The following GTPBP8 variants were observed in gnomAD, a reference collection of about 807,000 sequenced individuals.
GTPBP8 encodes the protein GTP-binding protein 8.
A neutral mutation model predicts 27.3 loss-of-function variants in GTPBP8; 21 were observed. That is an observed-to-expected ratio of 0.77 (90% CI 0.55 to 1.11). The LOEUF (loss-of-function observed/expected upper bound fraction) is 1.11, where lower values mean the gene tolerates loss of function less well. Ranked by LOEUF, GTPBP8 falls within the 50% of genes least tolerant of loss-of-function variation. The pLI is 0.00. For missense variants in GTPBP8, 380 were observed against 350.8 expected (o/e 1.08, Z -0.67); for synonymous variants, 147 against 135.3 (o/e 1.09, Z -0.60).
chr3:112,991,060 G>C lies in GTPBP8; in HGVS notation c.61G>C (p.Glu21Gln), dbSNP rs1326569913. ...GRLFEMPAVLERLSRYNSTSQ... is the reference protein window; with the variant it reads ...GRLFEMPAVLQRLSRYNSTSQ... The stretch of plus-strand genomic sequence containing the variant: ...ACTCTTTGAAATGCCTGCGGTGCTA[G>C]AGCGACTGAGCCGCTATAATAGCAC... The change falls in exon 1 of 6, where the codon GAG becomes CAG. Residue 21 changes from glutamate (E) to glutamine (Q), a missense_variant. By Grantham distance (29) the Glu-to-Gln change is conservative. Coordinates refer to ENST00000383678, the MANE Select transcript of GTPBP8 (RefSeq NM_014170.4). 5 of 1,613,652 alleles carry C rather than the reference G, an allele frequency of 3.1e-6. No homozygotes were observed. Among genetic ancestry groups the C allele is most frequent in the African/African-American group, 1.3e-5 (1 of 75,068 alleles).
chr3:112,996,993 T>TA lies in GTPBP8; in HGVS notation c.666+4dup. The stretch of plus-strand genomic sequence containing the variant: ...GAAGAATTTGCATTACCTTATGTGG[T>TA]AAGTACTTCCTTTGAATCATGGTTG... On this transcript the variant is annotated splice_region_variant and intron_variant, in intron 4 of 5. Transcript: ENST00000383678. The TA allele has an allele frequency of 2.3e-6, 3 of 1,323,670 alleles. No homozygotes were observed. Among genetic ancestry groups the TA allele is most frequent in the Non-Finnish European group, 3.3e-6 (3 of 917,448 alleles). The allele number at this position is 1,323,670 out of a possible 1,614,324, so 82.0% of individuals were successfully genotyped here.
Position 112,991,221 on chromosome 3 carries a change from C to A in GTPBP8, c.222C>A (p.Ser74Arg). 6.2e-7 allele frequency: 1 copy of A among 1,614,138 alleles called. No individual in the cohort carries two copies. Among genetic ancestry groups the A allele is most frequent in the Non-Finnish European group, 8.5e-7 (1 of 1,180,022 alleles). ...QDLHLRIFDPSPEDIARADNI... is the reference protein window; with the variant it reads ...QDLHLRIFDPRPEDIARADNI... The stretch of plus-strand genomic sequence containing the variant: ...TTCACCTGCGTATCTTTGACCCAAG[C>A]CCGGAGGACATAGCCAGGGCGGACA... The change falls in exon 1 of 6, where the codon AGC (serine) becomes AGA (arginine). Residue 74 changes from serine (S) to arginine (R), a missense_variant. Transcript: ENST00000383678.
rs757182425 is a variant in GTPBP8, at chr3:112,993,117, A to G, written c.428A>G (p.Lys143Arg). The G allele has an allele frequency of 2.9e-5, 46 of 1,563,012 alleles. No homozygotes were observed. In the South Asian group the frequency reaches 3.6e-4, roughly 12 times the overall value. Residue 143 changes from lysine (K) to arginine (R), a missense_variant, in exon 2 of 6, where the codon AAA (lysine) becomes AGA (arginine). Transcript: ENST00000383678. ...LAPEVEVRVS[K>R]KPGHTKKMNF... ...CCTGAGGTTGAAGTCAGAGTCTCCA[A>G]AAAACCAGTATGTTGAAGTTTTTAA...
chr3:112,995,431 G>A (rs1933765928), intron 3 of GTPBP8, among the ~76,000 whole-genome samples, 166 bp downstream of exon 3: 1 of 151,898 alleles, frequency 6.6e-6, no homozygotes, highest in Non-Finnish European at 1.5e-5. Flanking sequence ...TAGGACCAAG[G>A]TATATACTGC....
intron 2 of GTPBP8, among the ~76,000 whole-genome samples, chr3:112,994,407 G>A (rs957907530): frequency 1.0e-3 from 149 of 145,618 alleles, no homozygotes; most frequent in African/African-American, 3.7e-3. Flanking sequence ...TGGACAACAA[G>A]AGTGAAACTC....
intron 1 of GTPBP8, 84 bp downstream of exon 1, chr3:112,991,419 T>C (rs1933676831): frequency 7.8e-7 from 1 of 1,276,814 alleles, no homozygotes; most frequent in Non-Finnish European, 1.1e-6. Flanking sequence ...GCGGGTGATT[T>C]TGCGGTTGTA....
chr3:112,992,890 G>A, intron 1 of GTPBP8, 136 bp from the exon 2 acceptor site: 1 of 540,672 alleles, frequency 1.8e-6, no homozygotes, highest in Non-Finnish European at 3.3e-6. Context: ...AATATATGCT[G>A]AATGCTTAAA....
Position 112,993,020 on chromosome 3 carries a change from T to C in GTPBP8, c.337-6T>C. On this transcript the variant is annotated splice_region_variant and splice_polypyrimidine_tract_variant and intron_variant, in intron 1 of 5. Coordinates refer to ENST00000383678, the MANE Select transcript of GTPBP8 (RefSeq NM_014170.4). ...TACGTACTTATCTTGTTTTTTCTTG[T>C]ATAAGGTGTGTTTTATAGGCAGAAG... 6.5e-7 allele frequency: 1 copy of C among 1,545,008 alleles called. No homozygotes were observed.
Position 112,993,220 on chromosome 3 carries a change from T to C in GTPBP8, c.435+96T>C, listed in dbSNP as rs1032968068. On this transcript the variant is annotated intron_variant, in intron 2 of 5. Transcript: ENST00000383678. ...GGTATAAGAAATCATAATTACTAAG[T>C]TCCTAGAGAAGTGATTTCTTTCAAA... 6 of 676,676 alleles carry C rather than the reference T, an allele frequency of 8.9e-6. No homozygotes were observed. The Admixed American group carries it at 1.6e-4, about 18-fold the overall frequency. The allele number at this position is 676,676 out of a possible 1,614,324, so 41.9% of individuals were successfully genotyped here. A position where few individuals can be genotyped will look rare whatever the true frequency, so the allele number is the denominator to read the frequency against.
At chr3:113,000,384 CAAAA>C (rs890521508) in intron 5 of GTPBP8, among the ~76,000 whole-genome samples, 2 of 151,576 alleles carry the variant, frequency 1.3e-5, no homozygotes, top group African/African-American at 2.4e-5. Flanking sequence ...CCACCACCAC[CAAAA>C]AAAACTGTAG....
In GTPBP8 at chr3:113,000,983, A is replaced by G; in HGVS notation, c.*64A>G. The G allele has an allele frequency of 1.1e-6, 1 of 880,188 alleles. No homozygotes were observed. The highest frequency in any genetic ancestry group is 1.8e-6 in the Non-Finnish European group (1 of 542,714). 54.5% of individuals were successfully genotyped at this position (880,188 alleles called of 1,614,324 possible). A position where few individuals can be genotyped will look rare whatever the true frequency, so the allele number is the denominator to read the frequency against. ...AAAGCTTTATGCTAACTGGAGTTAA[A>G]TACCTAGAAGAATTTCAACATTGTT... On this transcript the variant is annotated 3_prime_UTR_variant, in exon 6 of 6. Transcript: ENST00000383678.
intron 2 of GTPBP8, among the ~76,000 whole-genome samples, chr3:112,993,741 A>G (rs749813406): frequency 2.0e-5 from 3 of 152,158 alleles, no homozygotes; most frequent in Non-Finnish European, 4.4e-5. Context: ...ATCCCTGTGT[A>G]TGTGCGTGCA....
rs1397900316 is a variant in GTPBP8 at position 112,991,251 on chromosome 3, C to T, written c.252C>T (p.Ile84=). Reference sequence around the variant, plus strand: ...AGGACATAGCCAGGGCGGACAACATCTTCACGGCCACTGAACGGAACCGCA... The same window carrying T: ...AGGACATAGCCAGGGCGGACAACATTTTCACGGCCACTGAACGGAACCGCA... ...SPEDIARADN[I]FTATERNRID... is the part of the protein sequence containing the mutation. The change falls in exon 1 of 6, where the codon ATC becomes ATT. Residue 84 remains isoleucine (I), a synonymous_variant. Coordinates refer to ENST00000383678, the MANE Select transcript of GTPBP8 (RefSeq NM_014170.4). The T allele has an allele frequency of 1.2e-6, 2 of 1,614,082 alleles. No homozygotes were observed. The highest frequency in any genetic ancestry group is 1.6e-4 in the Middle Eastern group (1 of 6,062).
intron 4 of GTPBP8, among the ~76,000 whole-genome samples, chr3:112,998,600 CCA>C (rs1933831438): frequency 1.3e-5 from 2 of 151,922 alleles, no homozygotes; most frequent in South Asian, 2.1e-4. Flanking sequence ...GGTCATATGA[CCA>C]CAATCAGAAA....
At chr3:112,999,107 A>G (rs1235966907) in intron 4 of GTPBP8, among the ~76,000 whole-genome samples, 1 of 152,226 alleles carries the variant, frequency 6.6e-6, no homozygotes, top group East Asian at 1.9e-4. Context: ...TCATTTATAT[A>G]TCTTAAGCTA....
intron 5 of GTPBP8, 123 bp from the exon 6 acceptor site, chr3:113,000,727 A>G: frequency 1.7e-6 from 1 of 597,170 alleles, no homozygotes; most frequent in South Asian, 2.2e-5. Context: ...AAGCTAGAAC[A>G]CATTAAAAGA....
rs1392617155 is a variant in GTPBP8 at position 112,991,222 on chromosome 3, C to T, written c.223C>T (p.Pro75Ser). 15 of 1,614,054 alleles carry T rather than the reference C, an allele frequency of 9.3e-6. No individual in the cohort carries two copies. The highest frequency in any genetic ancestry group is 5.3e-5 in the African/African-American group (4 of 74,932). The change falls in exon 1 of 6, where the codon CCG becomes TCG. Residue 75 changes from proline (P) to serine (S), a missense_variant. Physicochemically the swap from Pro to Ser is moderately conservative, Grantham distance 74 (BLOSUM62 -1). Coordinates refer to ENST00000383678, the MANE Select transcript of GTPBP8 (RefSeq NM_014170.4). ...DLHLRIFDPS[P>S]EDIARADNIF... is the part of the protein sequence containing the mutation. ...TCACCTGCGTATCTTTGACCCAAGC[C>T]CGGAGGACATAGCCAGGGCGGACAA...
In GTPBP8 at chr3:112,991,042, G is replaced by A; in HGVS notation, c.43G>A (p.Glu15Lys). The A allele has an allele frequency of 6.2e-7, 1 of 1,607,364 alleles. No individual in the cohort carries two copies. Among genetic ancestry groups the A allele is most frequent in the Non-Finnish European group, 8.5e-7 (1 of 1,175,212 alleles). Reference protein sequence around the residue: ...GLRLGAGRLFEMPAVLERLSR... With the variant: ...GLRLGAGRLFKMPAVLERLSR... ...GCGGCTGGGAGCGGGAAGACTCTTTGAAATGCCTGCGGTGCTAGAGCGACT... is the reference window on the plus strand; with the variant it reads ...GCGGCTGGGAGCGGGAAGACTCTTTAAAATGCCTGCGGTGCTAGAGCGACT... Residue 15 changes from glutamate (E) to lysine (K), a missense_variant, in exon 1 of 6, where the codon GAA (glutamate) becomes AAA (lysine). By Grantham distance (56) the Glu-to-Lys change is moderately conservative. Transcript: ENST00000383678.
chr3:112,991,024 G>T lies in GTPBP8; in HGVS notation c.25G>T (p.Gly9Ter), dbSNP rs545098321. Residue 9 changes from glycine to a stop codon, truncating the protein, a stop_gained, in exon 1 of 6, where the codon GGA becomes TGA. Transcript: ENST00000383678. LOFTEE classifies it high-confidence loss of function. MAAPGLRL[G>*]AGRLFEMPAV... Reference sequence around the variant, plus strand: ...AATGGCGGCGCCCGGGCTGCGGCTGGGAGCGGGAAGACTCTTTGAAATGCC... The same window carrying T: ...AATGGCGGCGCCCGGGCTGCGGCTGTGAGCGGGAAGACTCTTTGAAATGCC... The T allele has an allele frequency of 2.7e-5, 43 of 1,597,554 alleles. 1 individual carries two copies. The South Asian group carries it at 4.6e-4, about 17-fold the overall frequency.
Sources: gnomAD v4.1 joint callset for allele counts (sites outside exome capture counted in the v4.1 genomes callset) on GRCh38, gnomAD v4.1.1 for gene constraint, MANE v1.5 for transcripts, NCBI Gene and HGNC (gene_info 2026-07-23, HGNC 2026-07-21) for gene names.